The following CAPS2 variants were observed in gnomAD, a reference collection of about 807,000 sequenced individuals.
The protein encoded by CAPS2 is calcyphosine 2.
In CAPS2, 98 loss-of-function variants were observed where a neutral mutation model predicts 86.5. The observed-to-expected ratio is 1.13, with a 90% CI of 0.96 to 1.34. The LOEUF is 1.34. Among genes scored for constraint, CAPS2 ranks in the 40% most tolerant of loss-of-function variants. CAPS2 has a pLI of 0.00. For missense variants in CAPS2, 729 were observed against 686.8 expected, an observed-to-expected ratio of 1.06 and a Z score of -0.69; for synonymous variants, 210 against 225.1, an observed-to-expected ratio of 0.93 and a Z score of 0.60.
upstream of CAPS2, chr12:75,326,564 CT>C (rs1435028467): frequency 1.1e-6 from 1 of 890,828 alleles, no homozygotes; most frequent in Non-Finnish European, 1.8e-6. Context: ...AATGGTAATT[CT>C]TACTCTAATT....
At chr12:75,363,330 A>G in intron 1 of CAPS2, 1 of 399,910 alleles carries the variant, frequency 2.5e-6, no homozygotes, top group Non-Finnish European at 4.4e-6. Context: ...AAATCATGTC[A>G]TAAATTGTAA....
At chr12:75,390,896 A>C (rs1264772000) in exon 1 of CAPS2, 7 of 702,182 alleles carry the variant, frequency 1.0e-5, no homozygotes, top group Admixed American at 6.1e-5. Flanking sequence ...TTCACTCTGC[A>C]GGTCTAGCTT....
intron 15 of CAPS2, among the ~76,000 whole-genome samples, chr12:75,282,784 A>C (rs1444105634): frequency 2.0e-5 from 3 of 152,216 alleles, no homozygotes; most frequent in Non-Finnish European, 4.4e-5. Context: ...GACATTTTAA[A>C]AGTACTATAC....
chr12:75,362,166 T>G (rs995325665), intron 1 of CAPS2, among the ~76,000 whole-genome samples: 4 of 152,086 alleles, frequency 2.6e-5, no homozygotes, highest in African/African-American at 9.7e-5. Context: ...TAGGAAGAAC[T>G]CTCACAACTC....
chr12:75,343,914 C>T (rs148217982), intron 1 of CAPS2: 310 of 1,610,580 alleles, frequency 1.9e-4, no homozygotes, highest in Middle Eastern at 1.9e-3. Context: ...TATCATGCTC[C>T]AGAGTCTGTG....
At chr12:75,285,865 C>T (rs1475267475) in intron 14 of CAPS2, among the ~76,000 whole-genome samples, 1 of 151,822 alleles carries the variant, frequency 6.6e-6, no homozygotes, top group African/African-American at 2.4e-5. Context: ...AGTCTTCATG[C>T]TTGAAAATAT....
At chr12:75,366,918 T>A (rs998341296) in intron 1 of CAPS2, 3 of 701,598 alleles carry the variant, frequency 4.3e-6, no homozygotes, top group Admixed American at 2.0e-5. Flanking sequence ...TCAAAAGGGG[T>A]TAACCACCCA....
At chr12:75,389,050 C>G (rs547860005) in intron 1 of CAPS2, among the ~76,000 whole-genome samples, 2 of 152,300 alleles carry the variant, frequency 1.3e-5, no homozygotes, top group Non-Finnish European at 2.9e-5. Flanking sequence ...TGGGTGGCCT[C>G]AGGCAATTTG....
intron 7 of CAPS2, among the ~76,000 whole-genome samples, chr12:75,311,263 A>T (rs2039131625): frequency 6.6e-6 from 1 of 152,202 alleles, no homozygotes; most frequent in Non-Finnish European, 1.5e-5. Context: ...ATAAGTTTGA[A>T]CAGGATGGTG....
At chr12:75,289,701 C>A (rs918342023) in exon 14 of CAPS2, 3 of 1,613,006 alleles carry the variant, frequency 1.9e-6, no homozygotes, top group African/African-American at 2.7e-5. Context: ...CCTTCCTTGT[C>A]CAACTGTTGA....
chr12:75,322,924 A>C, intron 4 of CAPS2: 1 of 1,049,322 alleles, frequency 9.5e-7, no homozygotes, highest in Non-Finnish European at 1.4e-6. Flanking sequence ...TGAACATAAT[A>C]AATATTTTAG....
chr12:75,360,502 A>T (rs2043501797), intron 1 of CAPS2: 1 of 152,184 alleles, frequency 6.6e-6, no homozygotes, highest in South Asian at 2.1e-4. Context: ...CACAAGTCCA[A>T]AATCCAGTGG....
intron 13 of CAPS2, among the ~76,000 whole-genome samples, chr12:75,290,449 A>C (rs2035639442): frequency 6.6e-6 from 1 of 152,198 alleles, no homozygotes; most frequent in African/African-American, 2.4e-5. Flanking sequence ...AGAAAAAAAC[A>C]AATGTCACCA....
chr12:75,368,972 T>C (rs1188994763), intron 1 of CAPS2, among the ~76,000 whole-genome samples: 3 of 152,156 alleles, frequency 2.0e-5, no homozygotes. Context: ...TGTGTAGTTA[T>C]GTTTCATTTA....
chr12:75,292,068 T>A (rs916723704), intron 12 of CAPS2, among the ~76,000 whole-genome samples: 5 of 151,912 alleles, frequency 3.3e-5, no homozygotes, highest in Admixed American at 6.6e-5. Flanking sequence ...TTGTTTTTTG[T>A]TTGTTTGTTT....
chr12:75,282,572 A>C (rs1048602827), intron 15 of CAPS2, among the ~76,000 whole-genome samples: 1 of 152,086 alleles, frequency 6.6e-6, no homozygotes, highest in Non-Finnish European at 1.5e-5. Context: ...TTTTTAGTAG[A>C]GGCGGGGTTT....
chr12:75,282,309 C>T, exon 16 of CAPS2: 11 of 1,607,456 alleles, frequency 6.8e-6, no homozygotes, highest in Non-Finnish European at 9.4e-6. Context: ...TTATAATAGG[C>T]ACACTGCCAC....
chr12:75,374,164 G>A (rs930546097), intron 1 of CAPS2, among the ~76,000 whole-genome samples: 5 of 152,166 alleles, frequency 3.3e-5, no homozygotes, highest in South Asian at 2.1e-4. Context: ...TGCCACTGAC[G>A]CCTTAAGCAT....
chr12:75,278,631 G>T (rs969172252), exon 17 of CAPS2: 55 of 1,137,644 alleles, frequency 4.8e-5, no homozygotes, highest in Admixed American at 9.5e-5. Flanking sequence ...AAACCAAAAA[G>T]ATATCTTTAC....
Sources: gnomAD v4.1 joint callset for allele counts (sites outside exome capture counted in the v4.1 genomes callset) on GRCh38, gnomAD v4.1.1 for gene constraint, MANE v1.5 for transcripts, NCBI Gene and HGNC (gene_info 2026-07-23, HGNC 2026-07-21) for gene names.